Variants in EQTN observed in about 807,000 individuals in gnomAD.
The protein encoded by EQTN is equatorin.
In EQTN, 29 loss-of-function variants were observed where a neutral mutation model predicts 26.9. That is an observed-to-expected ratio of 1.08 (90% CI 0.80 to 1.47). The LOEUF is 1.47. EQTN is among the 40% of genes most tolerant of loss of function. EQTN has a pLI of 0.00. For synonymous variants in EQTN, 129 were observed against 120.0 expected (o/e 1.07, Z -0.49); for missense variants, 391 against 346.1 (o/e 1.13, Z -1.03).
chr9:27,288,116 G>C (rs988988534), intron 6 of EQTN, among the ~76,000 whole-genome samples: 1 of 152,070 alleles, frequency 6.6e-6, no homozygotes, highest in Non-Finnish European at 1.5e-5. Flanking sequence ...TTCTTGAAGC[G>C]CCACAAGGCA....
chr9:27,288,556 C>T (rs1820165479), intron 6 of EQTN, among the ~76,000 whole-genome samples: 1 of 152,132 alleles, frequency 6.6e-6, no homozygotes, highest in Admixed American at 6.5e-5. Flanking sequence ...ACACACAAAA[C>T]CCTGCACACA....
intron 4 of EQTN, among the ~76,000 whole-genome samples, chr9:27,291,465 G>A (rs1820232986): frequency 1.3e-5 from 2 of 152,190 alleles, no homozygotes; most frequent in East Asian, 1.9e-4. Context: ...CATTCCAGCC[G>A]TGAGCAAACG....
intron 6 of EQTN, among the ~76,000 whole-genome samples, chr9:27,287,882 C>T (rs972974583): frequency 6.6e-6 from 1 of 152,202 alleles, no homozygotes; most frequent in African/African-American, 2.4e-5. Context: ...TAGCTCACTG[C>T]AACCTCTGCC....
rs1335914955 is a variant in EQTN, at chr9:27,288,351, G to T, written c.481+1321C>A. On this transcript the variant is annotated intron_variant, in intron 6 of 7. Coordinates refer to ENST00000380032, the MANE Select transcript of EQTN (RefSeq NM_020641.3). Reference sequence around the variant, plus strand: ...GCAACAGGAGCTCACATTGATTGCTGGTGAGAATTCCAAAAATACTTTGGA... The same window carrying T: ...GCAACAGGAGCTCACATTGATTGCTTGTGAGAATTCCAAAAATACTTTGGA... 2.0e-5 allele frequency among the ~76,000 whole-genome samples: 3 copies of T among 152,146 alleles called. No homozygotes were observed. In the East Asian group the frequency reaches 5.8e-4, roughly 29 times the overall value.
At chr9:27,295,831 CAAAAA>C (rs67401588) in intron 2 of EQTN, among the ~76,000 whole-genome samples, 1 of 69,294 alleles carries the variant, frequency 1.4e-5, no homozygotes, top group Non-Finnish European at 2.3e-5. Flanking sequence ...GACTCCGTCT[CAAAAA>C]AAAAAAAAAA....
intron 7 of EQTN, 46 bp downstream of exon 7, chr9:27,286,163 G>C (rs376589859): frequency 6.3e-7 from 1 of 1,576,256 alleles, no homozygotes; most frequent in Non-Finnish European, 8.7e-7. Flanking sequence ...GAGAGAATGC[G>C]ATGTCATGCA....
intron 7 of EQTN, among the ~76,000 whole-genome samples, chr9:27,285,752 A>G (rs1019637501): frequency 6.6e-6 from 1 of 152,210 alleles, no homozygotes; most frequent in African/African-American, 2.4e-5. Flanking sequence ...AAAATGTTAA[A>G]TAATTCCTTC....
chr9:27,291,299 A>G (rs1422063687), intron 4 of EQTN, among the ~76,000 whole-genome samples: 1 of 152,222 alleles, frequency 6.6e-6, no homozygotes, highest in African/African-American at 2.4e-5. Context: ...CTTATGTAGC[A>G]GATTAATGAA....
chr9:27,296,563 C>A (rs1411835676), intron 2 of EQTN, 50 bp downstream of exon 2: 1 of 1,276,498 alleles, frequency 7.8e-7, no homozygotes, highest in Non-Finnish European at 1.1e-6. Flanking sequence ...TAAGTGAAAC[C>A]AGGATAATCA....
chr9:27,286,384 T>C, intron 6 of EQTN, 22 bp from the exon 7 acceptor site: 4 of 1,567,768 alleles, frequency 2.6e-6, no homozygotes, highest in South Asian at 1.2e-5. Flanking sequence ...GAGAATGCAG[T>C]GGAAAATAGG....
rs1820080867 is a variant in EQTN, at chr9:27,284,742, T to C, written c.866A>G (p.Asp289Gly). ...IGSDNEMHEN[D>G]ESVTR ...ATTTCTTCACCGGGTAACCGACTCA[T>C]CGTTTTCATGCATCTCATTATCTGA... Residue 289 changes from aspartate (D) to glycine (G), a missense_variant, in exon 8 of 8, where the codon GAT becomes GGT. Asp to Gly is a moderately conservative substitution (Grantham distance 94). Transcript: ENST00000380032. 6.2e-7 allele frequency: 1 copy of C among 1,613,890 alleles called. No homozygotes were observed. The highest frequency in any genetic ancestry group is 8.5e-7 in the Non-Finnish European group (1 of 1,179,922).
At chr9:27,296,467 A>G (rs1820345178) in intron 2 of EQTN, 146 bp downstream of exon 2, 1 of 530,270 alleles carries the variant, frequency 1.9e-6, no homozygotes, top group Non-Finnish European at 3.2e-6. Flanking sequence ...AAAAATGGGC[A>G]AGGGTATGAA....
In EQTN at chr9:27,286,282, A is replaced by G. The variant is rs879181190; in HGVS notation, c.562T>C (p.Leu188=). Residue 188 remains leucine, a synonymous_variant, in exon 7 of 8, where the codon TTG becomes CTG. Coordinates refer to ENST00000380032, the MANE Select transcript of EQTN (RefSeq NM_020641.3). ...ACCACAAAGAGGAGGAGGGTCATCA[A>G]CGAGATTCCCAGCATTATTTTGATC... ...LKIKIMLGIS[L]MTLLLFVVLL... is the part of the protein sequence containing the mutation. 1.9e-6 allele frequency: 3 copies of G among 1,613,202 alleles called. No individual in the cohort carries two copies. In the South Asian group the frequency reaches 3.3e-5, roughly 18 times the overall value.
intron 7 of EQTN, among the ~76,000 whole-genome samples, chr9:27,285,459 T>C (rs1820101675): frequency 3.3e-5 from 5 of 152,188 alleles, no homozygotes; most frequent in African/African-American, 9.6e-5. Flanking sequence ...TCTTTCATTG[T>C]AATTTGATTC....
intron 6 of EQTN, among the ~76,000 whole-genome samples, chr9:27,288,911 T>G (rs1208294232): frequency 6.6e-6 from 1 of 152,168 alleles, no homozygotes; most frequent in African/African-American, 2.4e-5. Flanking sequence ...GCAGTGAAAC[T>G]TTCGTATGAT....
intron 3 of EQTN, 140 bp from the exon 4 acceptor site, chr9:27,292,627 C>A: frequency 1.9e-6 from 1 of 533,308 alleles, no homozygotes; most frequent in Non-Finnish European, 3.2e-6. Flanking sequence ...AAGACATTAA[C>A]ATTTTCCAGA....
Position 27,297,114 on chromosome 9 carries a change from G to C in EQTN, c.-59C>G. On this transcript the variant is annotated 5_prime_UTR_variant, in exon 1 of 8. Coordinates refer to ENST00000380032, the MANE Select transcript of EQTN (RefSeq NM_020641.3). ...TGCGTCTACCCAGAGCCTCCTTTCT[G>C]TGGCCCAGCAGGTCCTGTGTCTAAC... 8.1e-7 allele frequency: 1 copy of C among 1,242,180 alleles called. No homozygotes were observed. The allele number at this position is 1,242,180 out of a possible 1,614,324, so 76.9% of individuals were successfully genotyped here.
At chr9:27,285,047 C>G in intron 7 of EQTN, 75 bp from the exon 8 acceptor site, 1 of 1,257,746 alleles carries the variant, frequency 8.0e-7, no homozygotes, top group Non-Finnish European at 1.1e-6. Flanking sequence ...GAAAAGCATT[C>G]AAAAATTAAA....
At chr9:27,294,221 C>T (rs1378692164) in intron 3 of EQTN, 95 bp downstream of exon 3, 2 of 776,964 alleles carry the variant, frequency 2.6e-6, no homozygotes, top group East Asian at 2.7e-5. Context: ...TATTTAGGAA[C>T]GAAGACTTCT....
Sources: gnomAD v4.1 joint callset for allele counts (sites outside exome capture counted in the v4.1 genomes callset) on GRCh38, gnomAD v4.1.1 for gene constraint, MANE v1.5 for transcripts, NCBI Gene and HGNC (gene_info 2026-07-23, HGNC 2026-07-21) for gene names.